Variants in KCNJ3 observed in about 807,000 individuals in gnomAD.
KCNJ3 encodes the protein G protein-activated inward rectifier potassium channel 1.
A neutral mutation model predicts 39.2 loss-of-function variants in KCNJ3; 4 were observed. The ratio of observed to expected loss-of-function variants is 0.10; its 90% CI spans 0.05 to 0.23. KCNJ3 has a LOEUF of 0.23. Ranked by LOEUF, KCNJ3 falls within the 10% of genes least tolerant of loss-of-function variation. The pLI, the probability that KCNJ3 is intolerant of heterozygous loss-of-function variation, is 1.00. For missense variants in KCNJ3, 276 were observed against 634.9 expected (o/e 0.43, Z 6.08); for synonymous variants, 230 against 237.4 (o/e 0.97, Z 0.29).
intron 2 of KCNJ3, among the ~76,000 whole-genome samples, chr2:154,787,875 T>A (rs1190678348): frequency 1.3e-5 from 2 of 152,192 alleles, no homozygotes; most frequent in Non-Finnish European, 2.9e-5. Flanking sequence ...GCTGTCAAAC[T>A]AAATGAGATC....
intron 2 of KCNJ3, among the ~76,000 whole-genome samples, chr2:154,782,805 A>T (rs536157666): frequency 2.2e-4 from 34 of 152,278 alleles, no homozygotes; most frequent in African/African-American, 7.5e-4. Flanking sequence ...ATACAAGTAC[A>T]AAAGAAGACT....
chr2:154,786,812 G>T (rs1007153472), intron 2 of KCNJ3, among the ~76,000 whole-genome samples: 8 of 152,122 alleles, frequency 5.3e-5, no homozygotes, highest in African/African-American at 1.9e-4. Context: ...TGCCAAAATT[G>T]AATTACAAAA....
rs369798074 is a variant in KCNJ3 at position 154,729,479 on chromosome 2, T to A, written c.919+19660T>A. 1.2e-3 allele frequency among the ~76,000 whole-genome samples: 186 copies of A among 152,314 alleles called. 5 individuals are homozygous for A. In the South Asian group the frequency reaches 0.037, roughly 31 times the overall value. ...TGAATATAGTAGTCAGTGTTCACAA[T>A]ACCCCTTGTAGATTTTATTTTATCA... On this transcript the variant is annotated intron_variant, in intron 2 of 2. Transcript: ENST00000295101.
intron 2 of KCNJ3, among the ~76,000 whole-genome samples, chr2:154,729,562 A>C (rs940788340): frequency 6.6e-6 from 1 of 152,134 alleles, no homozygotes; most frequent in African/African-American, 2.4e-5. Context: ...TTCTTGTTAA[A>C]TAGCATTTTT....
intron 2 of KCNJ3, among the ~76,000 whole-genome samples, chr2:154,821,621 A>C (rs1302057724): frequency 6.6e-6 from 1 of 150,764 alleles, no homozygotes; most frequent in African/African-American, 2.4e-5. Flanking sequence ...AAAAAAAGAA[A>C]AAGAGAATAT....
intron 2 of KCNJ3, among the ~76,000 whole-genome samples, chr2:154,829,965 T>G (rs1015685860): frequency 6.6e-6 from 1 of 152,166 alleles, no homozygotes; most frequent in Non-Finnish European, 1.5e-5. Flanking sequence ...TTATAAATGA[T>G]AGTAGAGAAG....
chr2:154,810,320 G>A (rs1473085923), intron 2 of KCNJ3, among the ~76,000 whole-genome samples: 1 of 152,130 alleles, frequency 6.6e-6, no homozygotes, highest in African/African-American at 2.4e-5. Context: ...TTGGACTCAA[G>A]GGATTTGCCT....
chr2:154,838,180 T>G (rs766859205), intron 2 of KCNJ3, among the ~76,000 whole-genome samples: 2 of 152,174 alleles, frequency 1.3e-5, no homozygotes, highest in African/African-American at 2.4e-5. Flanking sequence ...TAAGAGCATT[T>G]CGTCAGCCTT....
chr2:154,726,630 A>C (rs1410592679), intron 2 of KCNJ3, among the ~76,000 whole-genome samples: 1 of 152,120 alleles, frequency 6.6e-6, no homozygotes, highest in Non-Finnish European at 1.5e-5. Flanking sequence ...AGAGGAAACG[A>C]AGTCATTATA....
chr2:154,817,836 A>T lies in KCNJ3; in HGVS notation c.920-36891A>T, dbSNP rs1244712856. 2.0e-5 allele frequency among the ~76,000 whole-genome samples: 3 copies of T among 152,014 alleles called. No individual in the cohort carries two copies. The East Asian group carries it at 5.8e-4, about 29-fold the overall frequency. ...TTTAACCTTTGTTTTACTGTCCATT[A>T]GTTCCTGTACCTTGTATAAAACCCA... On this transcript the variant is annotated intron_variant, in intron 2 of 2. Transcript: ENST00000295101.
At chr2:154,772,830 C>T (rs75394365) in intron 2 of KCNJ3, among the ~76,000 whole-genome samples, 6,346 of 151,940 alleles carry the variant, frequency 0.042, 240 homozygotes, top group African/African-American at 0.1. Flanking sequence ...TTACTCATCT[C>T]GGTGTCTAAA....
At chr2:154,835,753 T>G (rs1322118952) in intron 2 of KCNJ3, among the ~76,000 whole-genome samples, 1 of 152,086 alleles carries the variant, frequency 6.6e-6, no homozygotes, top group African/African-American at 2.4e-5. Flanking sequence ...AACAAGCTTT[T>G]GAATATTAGG....
chr2:154,816,688 CATCAGCAG>C (rs1480251005), intron 2 of KCNJ3, among the ~76,000 whole-genome samples: 3 of 152,094 alleles, frequency 2.0e-5, no homozygotes, highest in African/African-American at 7.2e-5. Context: ...TTTTTGAATA[CATCAGCAG>C]ATGTCATAGC....
chr2:154,706,853 T>A (rs1685019506), intron 1 of KCNJ3, among the ~76,000 whole-genome samples: 1 of 152,138 alleles, frequency 6.6e-6, no homozygotes. Flanking sequence ...ACAATTGTAG[T>A]ATTCCAGGCA....
At chr2:154,738,905 AG>A (rs1410849218) in intron 2 of KCNJ3, among the ~76,000 whole-genome samples, 1 of 152,098 alleles carries the variant, frequency 6.6e-6, no homozygotes, top group Non-Finnish European at 1.5e-5. Flanking sequence ...GGAGAAAAAT[AG>A]TACCAGATGA....
intron 2 of KCNJ3, 39 bp downstream of exon 2, chr2:154,709,858 C>A: frequency 6.2e-7 from 1 of 1,605,290 alleles, no homozygotes; most frequent in Non-Finnish European, 8.5e-7. Flanking sequence ...TTCTTTATAC[C>A]ATAATGACAT....
At chr2:154,850,657 T>C (rs1687744631) in intron 2 of KCNJ3, among the ~76,000 whole-genome samples, 1 of 152,204 alleles carries the variant, frequency 6.6e-6, no homozygotes, top group Non-Finnish European at 1.5e-5. Context: ...ATTGGAAATG[T>C]CTGCTATTTG....
At chr2:154,768,414 G>T (rs2105194222) in intron 2 of KCNJ3, among the ~76,000 whole-genome samples, 1 of 152,314 alleles carries the variant, frequency 6.6e-6, no homozygotes, top group South Asian at 2.1e-4. Context: ...TGGCTAGCCA[G>T]TTTTCCCAGC....
chr2:154,701,231 A>G (rs1009492126), intron 1 of KCNJ3, among the ~76,000 whole-genome samples: 1 of 152,146 alleles, frequency 6.6e-6, no homozygotes, highest in South Asian at 2.1e-4. Flanking sequence ...GTTTCTGTTC[A>G]AGCAATCCAT....
Sources: allele counts gnomAD v4.1 joint callset (sites outside exome capture counted in the v4.1 genomes callset), GRCh38; gene constraint gnomAD v4.1.1; transcripts MANE v1.5; gene names NCBI Gene and HGNC (gene_info 2026-07-23, HGNC 2026-07-21).